Variants in PPFIA1 observed in about 807,000 individuals in gnomAD.
PPFIA1 encodes liprin-alpha-1.
Under a neutral mutation model 149.9 loss-of-function variants are expected in PPFIA1, and 25 were observed. The ratio of observed to expected loss-of-function variants is 0.17; its 90% CI spans 0.12 to 0.23. The LOEUF is 0.23. PPFIA1 is among the 10% of genes least tolerant of loss of function. The pLI is 1.00. For synonymous variants in PPFIA1, 549 were observed against 552.8 expected, an observed-to-expected ratio of 0.99 and a Z score of 0.10; for missense variants, 1,362 against 1,506.5, an observed-to-expected ratio of 0.90 and a Z score of 1.59.
chr11:70,380,310 G>A (rs1365677494), intron 26 of PPFIA1, among the ~76,000 whole-genome samples: 1 of 151,788 alleles, frequency 6.6e-6, no homozygotes, highest in African/African-American at 2.4e-5. Flanking sequence ...GCTCACGCCT[G>A]TAATCCCAGC....
At chr11:70,348,634 A>G (rs1208212126) in intron 16 of PPFIA1, among the ~76,000 whole-genome samples, 3 of 152,362 alleles carry the variant, frequency 2.0e-5, no homozygotes, top group Non-Finnish European at 2.9e-5. Flanking sequence ...GATTCCTCAC[A>G]CTTTGGGAGA....
chr11:70,364,215 A>T (rs1157217163), intron 21 of PPFIA1: 1 of 152,192 alleles, frequency 6.6e-6, no homozygotes, highest in Non-Finnish European at 1.5e-5. Flanking sequence ...GGAGCTCAGG[A>T]TTTCAAGCAG....
At chr11:70,309,021 G>A (rs915278673) in intron 2 of PPFIA1, among the ~76,000 whole-genome samples, 3 of 152,046 alleles carry the variant, frequency 2.0e-5, no homozygotes, top group Non-Finnish European at 1.5e-5. Flanking sequence ...TATTTTGTTG[G>A]TTTGATTCTG....
At chr11:70,273,220 T>C (rs1169415565) in intron 2 of PPFIA1, among the ~76,000 whole-genome samples, 1 of 151,776 alleles carries the variant, frequency 6.6e-6, no homozygotes, top group Non-Finnish European at 1.5e-5. Flanking sequence ...GAGGTTGCAG[T>C]GAGCCAAGAT....
chr11:70,325,402 T>TA, intron 4 of PPFIA1, 98 bp from the exon 5 acceptor site: 1 of 685,582 alleles, frequency 1.5e-6, no homozygotes, highest in South Asian at 2.3e-5. Flanking sequence ...ATTACACTAA[T>TA]ATATACATTA....
chr11:70,302,127 CAG>C (rs1371166494), intron 2 of PPFIA1, among the ~76,000 whole-genome samples: 1 of 152,206 alleles, frequency 6.6e-6, no homozygotes, highest in East Asian at 1.9e-4. Context: ...AGGTTGCCCT[CAG>C]GGGCCAGAAG....
intron 21 of PPFIA1, among the ~76,000 whole-genome samples, chr11:70,368,923 T>G (rs891728881): frequency 4.6e-5 from 7 of 152,064 alleles, no homozygotes; most frequent in Non-Finnish European, 7.4e-5. Context: ...CCTTCGTTTG[T>G]TCCTTATCTT....
chr11:70,332,161 G>A (rs1017438545), intron 9 of PPFIA1, 67 bp downstream of exon 9: 63 of 1,481,588 alleles, frequency 4.3e-5, no homozygotes, highest in Non-Finnish European at 5.3e-5. Flanking sequence ...TGTGTACCTT[G>A]TTTGTCACTG....
intron 26 of PPFIA1, among the ~76,000 whole-genome samples, chr11:70,380,205 CGAGACCAGCCTGGCCAACGTGGT>C (rs531529690): frequency 1.7e-4 from 25 of 149,310 alleles, no homozygotes; most frequent in Admixed American, 6.0e-4. Context: ...GTCAGGAGTT[CGAGACCAGCCTGGCCAACGTGGT>C]GAGACCAGCC....
intron 11 of PPFIA1, among the ~76,000 whole-genome samples, 163 bp from the exon 12 acceptor site, chr11:70,337,202 G>A (rs2055032324): frequency 6.6e-6 from 1 of 152,050 alleles, no homozygotes; most frequent in South Asian, 2.1e-4. Flanking sequence ...AGAAGGTGTC[G>A]CCGCCTCACG....
chr11:70,272,043 C>T, intron 1 of PPFIA1, 130 bp from the exon 2 acceptor site: 1 of 1,051,354 alleles, frequency 9.5e-7, no homozygotes, highest in Non-Finnish European at 1.4e-6. Flanking sequence ...CTTATTTACA[C>T]ACAAAGCATA....
Position 70,330,225 on chromosome 11 carries a change from G to A in PPFIA1, c.983G>A (p.Arg328His), listed in dbSNP as rs1225576413. The change falls in exon 8 of 28, where the codon CGC (arginine) becomes CAC (histidine). Residue 328 changes from arginine to histidine, a missense_variant. Physicochemically the swap from Arg to His is conservative, Grantham distance 29. This residue lies in a region of PPFIA1 where 733 missense variants were observed against 744.1 expected (regional missense o/e 0.99). Transcript: ENST00000253925. ...MEERITTLEKRYLAAQREATS... is the reference protein window; with the variant it reads ...MEERITTLEKHYLAAQREATS... The stretch of plus-strand genomic sequence containing the variant: ...GAGAGAATCACTACTCTTGAAAAAC[G>A]CTACCTCGCTGCACAGCGTGAAGCC... 2.5e-6 allele frequency: 4 copies of A among 1,602,166 alleles called. No individual in the cohort carries two copies. Among genetic ancestry groups the A allele is most frequent in the South Asian group, 1.1e-5 (1 of 88,762 alleles).
intron 2 of PPFIA1, among the ~76,000 whole-genome samples, chr11:70,323,452 A>G (rs1591206847): frequency 6.6e-6 from 1 of 152,046 alleles, no homozygotes; most frequent in African/African-American, 2.4e-5. Context: ...AGGAAGGCCC[A>G]CTTTGCCCAT....
intron 2 of PPFIA1, among the ~76,000 whole-genome samples, chr11:70,283,488 A>G (rs2050900969): frequency 1.3e-5 from 2 of 152,184 alleles, no homozygotes; most frequent in African/African-American, 4.8e-5. Flanking sequence ...AACTTAGTGA[A>G]AAAGAAGTCT....
At chr11:70,379,911 A>G (rs2057641129) in intron 26 of PPFIA1, among the ~76,000 whole-genome samples, 1 of 152,232 alleles carries the variant, frequency 6.6e-6, no homozygotes, top group Non-Finnish European at 1.5e-5. Context: ...TTTACAAATT[A>G]GCATTTTTCT....
At chr11:70,279,659 A>G (rs150418006) in intron 2 of PPFIA1, among the ~76,000 whole-genome samples, 284 of 145,810 alleles carry the variant, frequency 1.9e-3, no homozygotes, top group African/African-American at 6.8e-3. Context: ...GGCTTTTATC[A>G]TGTCCTATGT....
intron 2 of PPFIA1, among the ~76,000 whole-genome samples, chr11:70,289,812 C>T (rs932489228): frequency 6.6e-6 from 1 of 152,188 alleles, no homozygotes; most frequent in African/African-American, 2.4e-5. Flanking sequence ...TGTGGTGGCA[C>T]ACACCTGCAG....
chr11:70,383,953 G>A lies in PPFIA1; in HGVS notation c.*963G>A, dbSNP rs2057794016. 6.6e-6 allele frequency: 1 copy of A among 152,300 alleles called. No individual in the cohort carries two copies. The highest frequency in any genetic ancestry group is 1.5e-5 in the Non-Finnish European group (1 of 68,082). The allele number at this position is 152,300 out of a possible 1,614,324, so 9.4% of individuals were successfully genotyped here. A position where few individuals can be genotyped will look rare whatever the true frequency, so the allele number is the denominator to read the frequency against. On this transcript the variant is annotated 3_prime_UTR_variant, in exon 28 of 28. Transcript: ENST00000253925. ...ACAGTGGATGAAGGCAGGAGACCCA[G>A]AAAGCAGTGCAGTGCAGCTCTAATA...
In PPFIA1 at chr11:70,354,380, C is replaced by T. The variant is rs753577052; in HGVS notation, c.2243C>T (p.Ala748Val). Residue 748 changes from alanine (A) to valine (V), a missense_variant, in exon 17 of 28, where the codon GCC becomes GTC. This residue lies in a region of PPFIA1 where 733 missense variants were observed against 744.1 expected (regional missense o/e 0.99). Coordinates refer to ENST00000253925, the MANE Select transcript of PPFIA1 (RefSeq NM_003626.5). ...ACCTCCCCGCCTTCCTCCCCGAGAG[C>T]CCTTCGGTTAGACCGGCTGCACAAA... ...CETSPPSSPRALRLDRLHKGA... is the reference protein window; with the variant it reads ...CETSPPSSPRVLRLDRLHKGA... The T allele has an allele frequency of 6.2e-7, 1 of 1,614,084 alleles. No individual in the cohort carries two copies. Among genetic ancestry groups the T allele is most frequent in the East Asian group, 2.2e-5 (1 of 44,856 alleles).
Sources: allele counts gnomAD v4.1 joint callset (sites outside exome capture counted in the v4.1 genomes callset), GRCh38; gene constraint gnomAD v4.1.1; regional missense constraint gnomAD v4.1.1; transcripts MANE v1.5; gene names NCBI Gene and HGNC (gene_info 2026-07-23, HGNC 2026-07-21).